Variants in TUT4 observed in about 807,000 individuals in gnomAD.
TUT4 encodes the protein terminal uridylyl transferase 4.
Under a neutral mutation model 192.2 loss-of-function variants are expected in TUT4, and 36 were observed. The observed-to-expected ratio is 0.19, with a 90% confidence interval of 0.14 to 0.25. TUT4 has a LOEUF of 0.25. Ranked by LOEUF, TUT4 falls within the 10% of genes least tolerant of loss-of-function variation. TUT4 has a pLI of 1.00. For synonymous variants in TUT4, 618 were observed against 666.0 expected (o/e 0.93, Z 1.11); for missense variants, 1,493 against 1,957.2 (o/e 0.76, Z 4.47).
chr1:52,546,405 A>G (rs1292810136), intron 1 of TUT4, among the ~76,000 whole-genome samples: 1 of 152,222 alleles, frequency 6.6e-6, no homozygotes, highest in Admixed American at 6.5e-5. Context: ...CACATGATGA[A>G]CCTTGAGGAC....
intron 7 of TUT4, among the ~76,000 whole-genome samples, 183 bp from the exon 8 acceptor site, chr1:52,490,984 A>G (rs1311304549): frequency 3.3e-5 from 5 of 152,168 alleles, no homozygotes; most frequent in Admixed American, 2.6e-4. Context: ...CATTTGCTGT[A>G]TATCACAAAC....
intron 18 of TUT4, 102 bp from the exon 19 acceptor site, chr1:52,461,325 T>C: frequency 2.5e-6 from 3 of 1,200,646 alleles, no homozygotes; most frequent in Middle Eastern, 2.7e-4. Context: ...AATATATAAA[T>C]GTAAAATGTA....
intron 1 of TUT4, among the ~76,000 whole-genome samples, chr1:52,539,906 T>TAA (rs113259082): frequency 5.6e-4 from 65 of 116,376 alleles, no homozygotes; most frequent in African/African-American, 1.9e-3. Context: ...GACTCCGTCT[T>TAA]AAAAAAAAAA....
intron 15 of TUT4, among the ~76,000 whole-genome samples, chr1:52,466,036 G>A (rs962447927): frequency 3.3e-5 from 5 of 152,038 alleles, no homozygotes; most frequent in Non-Finnish European, 5.9e-5. Context: ...GTGTGCCACT[G>A]GGCCTGGCTC....
chr1:52,449,454 A>G (rs1033150721), intron 20 of TUT4, among the ~76,000 whole-genome samples: 2 of 152,088 alleles, frequency 1.3e-5, no homozygotes, highest in African/African-American at 4.8e-5. Context: ...ATATGCCACC[A>G]TGCCTGGCTA....
At chr1:52,430,395 G>A (rs868186373) in intron 28 of TUT4, among the ~76,000 whole-genome samples, 1 of 152,100 alleles carries the variant, frequency 6.6e-6, no homozygotes, top group Non-Finnish European at 1.5e-5. Context: ...CGAGCCTCCT[G>A]CCTCAGCCTC....
At chr1:52,551,901 G>A (rs1165197544) in intron 1 of TUT4, among the ~76,000 whole-genome samples, 1 of 152,052 alleles carries the variant, frequency 6.6e-6, no homozygotes, top group Non-Finnish European at 1.5e-5. Flanking sequence ...AGACTGGAGG[G>A]AAAAAATCTT....
chr1:52,531,248 C>T (rs1311890908), intron 1 of TUT4, among the ~76,000 whole-genome samples: 1 of 150,204 alleles, frequency 6.7e-6, no homozygotes, highest in Admixed American at 6.6e-5. Context: ...TTTTCAGAGC[C>T]AGGGTCTCCC....
At chr1:52,458,229 A>T (rs760395215) in intron 20 of TUT4, 107 bp downstream of exon 20, 2 of 678,138 alleles carry the variant, frequency 2.9e-6, no homozygotes, top group African/African-American at 1.8e-5. Flanking sequence ...ACTTAGGACA[A>T]CCATGATGGA....
At position 52,552,448 on chromosome 1, in the gene TUT4, G is replaced by A. The variant is rs563900557; in HGVS notation, c.-94+483C>T. On this transcript the variant is annotated intron_variant, in intron 1 of 29. Transcript: ENST00000257177. The stretch of plus-strand genomic sequence containing the variant: ...TTCTCCCTACAAGGACGAGCCCGGG[G>A]AAACATTCAGTATGTATTATATGCG... 5.9e-5 allele frequency among the ~76,000 whole-genome samples: 9 copies of A among 152,280 alleles called. No individual in the cohort carries two copies. In the East Asian group the frequency reaches 1.4e-3, roughly 23 times the overall value.
intron 2 of TUT4, among the ~76,000 whole-genome samples, chr1:52,525,062 TAA>T (rs1344719939): frequency 6.6e-6 from 1 of 152,234 alleles, no homozygotes; most frequent in Non-Finnish European, 1.5e-5. Flanking sequence ...CAACTTCAAT[TAA>T]GTTTTTGGCA....
intron 20 of TUT4, among the ~76,000 whole-genome samples, chr1:52,451,121 C>T (rs2148534026): frequency 6.6e-6 from 1 of 152,054 alleles, no homozygotes; most frequent in African/African-American, 2.4e-5. Flanking sequence ...AAAAAATAAG[C>T]CTGACATGGT....
At chr1:52,538,669 G>GAAAAA (rs1205554959) in intron 1 of TUT4, 10 of 99,468 alleles carry the variant, frequency 1.0e-4, no homozygotes, top group Admixed American at 4.0e-4. Context: ...GAAAAGAAAA[G>GAAAAA]AAAAAAAAAA....
intron 24 of TUT4, among the ~76,000 whole-genome samples, chr1:52,439,667 T>C (rs1005339756): frequency 1.3e-5 from 2 of 152,194 alleles, no homozygotes; most frequent in Non-Finnish European, 2.9e-5. Flanking sequence ...AGAACACATA[T>C]GTATTGCTGG....
At position 52,481,904 on chromosome 1, in the gene TUT4, T is replaced by C; in HGVS notation, c.1535A>G (p.Gln512Arg). The change falls in exon 10 of 30, where the codon CAA (glutamine) becomes CGA (arginine). Residue 512 changes from glutamine (Q) to arginine (R), a missense_variant. By Grantham distance (43) the Gln-to-Arg change is conservative. Transcript: ENST00000257177. ...YWAKLCYIDS[Q>R]TDGGIPSYCF... ...GTAAGAAGGGATTCCACCATCAGTT[T>C]GGGAGTCAATATAGCACAACTGCAA... 1.3e-6 allele frequency: 2 copies of C among 1,586,808 alleles called. No homozygotes were observed. The highest frequency in any genetic ancestry group is 1.9e-5 in the Admixed American group (1 of 51,622).
At chr1:52,503,939 C>T (rs1427788170) in intron 4 of TUT4, among the ~76,000 whole-genome samples, 1 of 152,208 alleles carries the variant, frequency 6.6e-6, no homozygotes, top group Non-Finnish European at 1.5e-5. Context: ...ATGATTTCAA[C>T]TGCTGAAGTT....
At chr1:52,485,936 ATAGAG>A (rs1669681339) in intron 9 of TUT4, among the ~76,000 whole-genome samples, 1 of 152,090 alleles carries the variant, frequency 6.6e-6, no homozygotes, top group Non-Finnish European at 1.5e-5. Context: ...TAATAATAAT[ATAGAG>A]TAATTATACC....
intron 4 of TUT4, among the ~76,000 whole-genome samples, chr1:52,497,911 C>T (rs1293995926): frequency 6.6e-6 from 1 of 152,160 alleles, no homozygotes; most frequent in Non-Finnish European, 1.5e-5. Context: ...ATTAACACAT[C>T]CCCTCCCCAC....
intron 28 of TUT4, among the ~76,000 whole-genome samples, chr1:52,430,411 T>C (rs1042134198): frequency 1.3e-5 from 2 of 152,080 alleles, no homozygotes; most frequent in Non-Finnish European, 2.9e-5. Flanking sequence ...GCCTCCCACA[T>C]AGTTGGGATT....
Sources: allele counts gnomAD v4.1 joint callset (sites outside exome capture counted in the v4.1 genomes callset), GRCh38; gene constraint gnomAD v4.1.1; transcripts MANE v1.5; gene names NCBI Gene and HGNC (gene_info 2026-07-23, HGNC 2026-07-21).